The following SH3KBP1 variants were observed in gnomAD, a reference collection of about 807,000 sequenced individuals.
The protein encoded by SH3KBP1 is SH3 domain containing kinase binding protein 1.
Under a neutral mutation model 50.1 loss-of-function variants are expected in SH3KBP1, and 8 were observed. The observed-to-expected ratio is 0.16, with a 90% CI of 0.09 to 0.29. The LOEUF is 0.29. Among genes scored for constraint, SH3KBP1 ranks in the 10% least tolerant of loss-of-function variants. SH3KBP1 has a pLI of 1.00. For synonymous variants in SH3KBP1, 227 were observed against 218.6 expected (o/e 1.04, Z -0.34); for missense variants, 377 against 535.2 (o/e 0.70, Z 2.92).
rs755124410 is a variant in SH3KBP1 at position 19,616,583 on chromosome X, G to A, written c.898-8538C>T. On this transcript the variant is annotated intron_variant, in intron 8 of 17. Coordinates refer to ENST00000397821, the MANE Select transcript of SH3KBP1 (RefSeq NM_031892.3). ...CTTCTTCACAGATCTAGTCATTTGCGATTATATTATCTCAACAGTTGCTGA... is the reference window on the plus strand; with the variant it reads ...CTTCTTCACAGATCTAGTCATTTGCAATTATATTATCTCAACAGTTGCTGA... Among the ~76,000 whole-genome samples, 4 of 111,394 alleles carry A rather than the reference G, an allele frequency of 3.6e-5. No homozygotes were observed. The South Asian group carries it at 1.1e-3, about 32-fold the overall frequency.
chrX:19,619,107 C>T (rs562131179), intron 8 of SH3KBP1, among the ~76,000 whole-genome samples: 19 of 111,339 alleles, frequency 1.7e-4, no homozygotes, highest in African/African-American at 6.2e-4. Context: ...AAAACCCCAT[C>T]CCTACTAAAA....
intron 6 of SH3KBP1, among the ~76,000 whole-genome samples, chrX:19,673,603 G>A (rs1056383738): frequency 1.8e-5 from 2 of 111,119 alleles, no homozygotes; most frequent in African/African-American, 3.3e-5. Context: ...ATTAGTCATC[G>A]ACCATGGAGC....
In SH3KBP1 at chrX:19,588,689, G is replaced by A; in HGVS notation, c.1252C>T (p.Pro418Ser). 6 of 1,209,443 alleles carry A rather than the reference G, an allele frequency of 5.0e-6. No homozygotes were observed. The highest frequency in any genetic ancestry group is 6.7e-6 in the Non-Finnish European group (6 of 894,649). ...TNSLSRPGALPPRRPERPVGP... is the reference protein window; with the variant it reads ...TNSLSRPGALSPRRPERPVGP... Reference sequence around the variant, plus strand: ...ACCGGTCTCTCCGGCCTTCTCGGGGGCAGTGCGCCAGGTCTGCTGAGAGAA... The same window carrying A: ...ACCGGTCTCTCCGGCCTTCTCGGGGACAGTGCGCCAGGTCTGCTGAGAGAA... The change falls in exon 12 of 18, where the codon CCC becomes TCC. Residue 418 changes from proline (P) to serine (S), a missense_variant. Around this residue, in one of 3 missense-constraint regions of SH3KBP1, gnomAD observed 257 missense variants for 374.2 expected, o/e 0.69. Transcript: ENST00000397821.
intron 3 of SH3KBP1, chrX:19,707,229 G>A (rs1308778816): frequency 6.6e-6 from 3 of 451,467 alleles, no homozygotes; most frequent in Non-Finnish European, 1.2e-5. Context: ...ATCCATTGGT[G>A]CAGAAGGCAA....
At chrX:19,702,762 T>C (rs947868482) in intron 4 of SH3KBP1, among the ~76,000 whole-genome samples, 8 of 112,397 alleles carry the variant, frequency 7.1e-5, no homozygotes, top group African/African-American at 2.3e-4. Flanking sequence ...CCATTTCTCC[T>C]GTAAATCTCA....
intron 8 of SH3KBP1, among the ~76,000 whole-genome samples, chrX:19,622,406 C>T (rs2148216698): frequency 8.9e-6 from 1 of 112,260 alleles, no homozygotes; most frequent in Non-Finnish European, 1.9e-5. Flanking sequence ...AGGATGTATC[C>T]TCAATATGCC....
intron 2 of SH3KBP1, among the ~76,000 whole-genome samples, chrX:19,805,086 T>C (rs1401342070): frequency 1.8e-5 from 2 of 110,408 alleles, no homozygotes; most frequent in South Asian, 3.9e-4. Flanking sequence ...AGGATCTTTA[T>C]TGATGAACAA....
intron 3 of SH3KBP1, among the ~76,000 whole-genome samples, chrX:19,743,176 G>T (rs757650458): frequency 7.3e-4 from 82 of 111,849 alleles, no homozygotes; most frequent in Non-Finnish European, 1.4e-3. Context: ...GGGAGGCTGG[G>T]GTAGGAGGCT....
intron 8 of SH3KBP1, among the ~76,000 whole-genome samples, chrX:19,621,238 CTAATT>C (rs1569349971): frequency 1.6e-5 from 1 of 62,996 alleles, no homozygotes; most frequent in African/African-American, 7.0e-5. Flanking sequence ...CCACACCTGG[CTAATT>C]TTTTTTTTTT....
chrX:19,855,699 A>G (rs980388641), intron 1 of SH3KBP1, among the ~76,000 whole-genome samples: 1 of 111,456 alleles, frequency 9.0e-6, no homozygotes, highest in African/African-American at 3.3e-5. Flanking sequence ...TACACATACA[A>G]GAAATACAGA....
chrX:19,838,903 A>G (rs759471129), intron 1 of SH3KBP1, among the ~76,000 whole-genome samples: 10 of 106,882 alleles, frequency 9.4e-5, no homozygotes, highest in Admixed American at 3.0e-4. Flanking sequence ...AAAAAAAAAA[A>G]AAAGAAAAAA....
chrX:19,859,218 G>A (rs760016613), intron 1 of SH3KBP1, among the ~76,000 whole-genome samples: 132 of 109,834 alleles, frequency 1.2e-3, no homozygotes, highest in South Asian at 2.8e-3. Flanking sequence ...GTGCAATCTC[G>A]GCTCACTGCA....
At chrX:19,652,789 C>T (rs772077842) in intron 6 of SH3KBP1, among the ~76,000 whole-genome samples, 1 of 111,503 alleles carries the variant, frequency 9.0e-6, no homozygotes, top group Non-Finnish European at 1.9e-5. Flanking sequence ...AACATCATCA[C>T]CTCCTCTTCC....
At chrX:19,626,147 A>G (rs1012585772) in intron 8 of SH3KBP1, among the ~76,000 whole-genome samples, 10 of 111,338 alleles carry the variant, frequency 9.0e-5, no homozygotes, top group African/African-American at 3.3e-4. Flanking sequence ...TCCTGGAGAA[A>G]GATCTAGCTA....
chrX:19,733,790 G>C (rs1161635681), intron 3 of SH3KBP1, among the ~76,000 whole-genome samples: 1 of 110,721 alleles, frequency 9.0e-6, no homozygotes, highest in Non-Finnish European at 1.9e-5. Flanking sequence ...AAAAAAATAA[G>C]GACCTCAATA....
intron 12 of SH3KBP1, among the ~76,000 whole-genome samples, chrX:19,585,642 G>A (rs2066543071): frequency 9.0e-6 from 1 of 111,596 alleles, no homozygotes; most frequent in Non-Finnish European, 1.9e-5. Context: ...CAACAACTTG[G>A]AAGAATCTAG....
chrX:19,661,144 C>T (rs149547053), intron 6 of SH3KBP1, among the ~76,000 whole-genome samples: 17 of 112,871 alleles, frequency 1.5e-4, no homozygotes, highest in East Asian at 1.4e-3. Context: ...GAATGCAGCC[C>T]ACAAGCCCAA....
chrX:19,788,844 G>A (rs748824967), intron 2 of SH3KBP1, among the ~76,000 whole-genome samples: 1 of 112,748 alleles, frequency 8.9e-6, no homozygotes, highest in African/African-American at 3.2e-5. Context: ...AATAAAAAGA[G>A]GCCAGGCACG....
At position 19,785,736 on chromosome X, in the gene SH3KBP1, T is replaced by C. The variant is rs188771884; in HGVS notation, c.163-39295A>G. Among the ~76,000 whole-genome samples, 207 of 112,163 alleles carry C rather than the reference T, an allele frequency of 1.8e-3. 2 individuals carry two copies. The highest frequency in any genetic ancestry group is 6.4e-3 in the African/African-American group (197 of 30,850). On this transcript the variant is annotated intron_variant, in intron 2 of 17. Coordinates refer to ENST00000397821, the MANE Select transcript of SH3KBP1 (RefSeq NM_031892.3). Reference sequence around the variant, plus strand: ...TGTGGTATATCCATACAAGAGGATATGATTCAGCCTTACAAAGGAAGGAAA... The same window carrying C: ...TGTGGTATATCCATACAAGAGGATACGATTCAGCCTTACAAAGGAAGGAAA...
Sources: gnomAD v4.1 joint callset for allele counts (sites outside exome capture counted in the v4.1 genomes callset) on GRCh38, gnomAD v4.1.1 for gene constraint, gnomAD v4.1.1 regional missense constraint, MANE v1.5 for transcripts, NCBI Gene and HGNC (gene_info 2026-07-23, HGNC 2026-07-21) for gene names.